Variants in TESC observed in about 807,000 individuals in gnomAD.
The protein encoded by TESC is calcineurin B homologous protein 3.
In TESC, 19 loss-of-function variants were observed where a neutral mutation model predicts 31.0. That is an observed-to-expected ratio of 0.61 (90% CI 0.43 to 0.90). The LOEUF is 0.90. Among genes scored for constraint, TESC ranks in the 40% least tolerant of loss-of-function variants. TESC has a pLI of 0.00. For missense variants in TESC, 248 were observed against 303.8 expected, an observed-to-expected ratio of 0.82 and a Z score of 1.36; for synonymous variants, 109 against 114.8, an observed-to-expected ratio of 0.95 and a Z score of 0.32.
At chr12:117,087,478 C>T (rs76390187) in intron 1 of TESC, among the ~76,000 whole-genome samples, 3,372 of 152,206 alleles carry the variant, frequency 0.022, 134 homozygotes, top group African/African-American at 0.074. Context: ...ATGAATCCTC[C>T]AATTCTCAGG....
chr12:117,079,622 G>GAC, intron 1 of TESC, among the ~76,000 whole-genome samples: 1 of 151,954 alleles, frequency 6.6e-6, no homozygotes, highest in South Asian at 2.1e-4. Flanking sequence ...CACTGGAGAG[G>GAC]ACACACACTG....
At chr12:117,041,010 G>A (rs1954475409) in intron 7 of TESC, among the ~76,000 whole-genome samples, 2 of 151,616 alleles carry the variant, frequency 1.3e-5, no homozygotes, top group South Asian at 4.2e-4. Context: ...TGATGCCCAG[G>A]GCCGAACTGC....
At position 117,073,961 on chromosome 12, in the gene TESC, C is replaced by T. The variant is rs557416217; in HGVS notation, c.128+1310G>A. On this transcript the variant is annotated intron_variant, in intron 2 of 7. Transcript: ENST00000335209. Reference sequence around the variant, plus strand: ...TTAACAGGTCTGGTGCAGCGGTACACACCTGTAGTGCCAGCACTTTGGGAG... The same window carrying T: ...TTAACAGGTCTGGTGCAGCGGTACATACCTGTAGTGCCAGCACTTTGGGAG... Among the ~76,000 whole-genome samples the T allele has an allele frequency of 5.1e-4, 78 of 152,134 alleles. 1 individual carries two copies. The Middle Eastern group carries it at 0.01, about 20-fold the overall frequency.
At chr12:117,074,870 C>A (rs985562741) in intron 2 of TESC, among the ~76,000 whole-genome samples, 1 of 152,184 alleles carries the variant, frequency 6.6e-6, no homozygotes, top group Non-Finnish European at 1.5e-5. Context: ...ATTAAAACAA[C>A]TACAGTTGGC....
At chr12:117,042,016 G>A in intron 6 of TESC, 22 bp from the exon 7 acceptor site, 1 of 1,587,314 alleles carries the variant, frequency 6.3e-7, no homozygotes, top group Non-Finnish European at 8.6e-7. Context: ...AGCACAGGGT[G>A]GACAGTGAGT....
At chr12:117,071,964 A>G (rs932951916) in intron 2 of TESC, among the ~76,000 whole-genome samples, 2 of 152,236 alleles carry the variant, frequency 1.3e-5, no homozygotes, top group Non-Finnish European at 2.9e-5. Context: ...CAAAACCTGC[A>G]TGGCAGCAAG....
At chr12:117,088,121 T>C (rs888730165) in intron 1 of TESC, among the ~76,000 whole-genome samples, 9 of 152,158 alleles carry the variant, frequency 5.9e-5, no homozygotes, top group Admixed American at 4.6e-4. Context: ...TGCATAGCCA[T>C]TGGCTAGGCT....
In TESC at chr12:117,041,989, A is replaced by T; in HGVS notation, c.525T>A (p.Pro175=). ...AGGTGATCCCCTCGTACACCTGATC[A>T]GGCTCCTGGGGACGGAAGCACAGGG... ...AASVCMGQME[P]DQVYEGITFE... Residue 175 remains proline, a synonymous_variant, in exon 7 of 8, where the codon CCT becomes CCA. Transcript: ENST00000335209. 1 of 1,595,164 alleles carries T rather than the reference A, an allele frequency of 6.3e-7. No homozygotes were observed. The highest frequency in any genetic ancestry group is 8.5e-7 in the Non-Finnish European group (1 of 1,170,466).
chr12:117,048,239 A>T (rs766813556), intron 4 of TESC, among the ~76,000 whole-genome samples: 58 of 152,364 alleles, frequency 3.8e-4, no homozygotes, highest in Middle Eastern at 3.4e-3. Flanking sequence ...TTTGGACCTG[A>T]GTCCGTCCTG....
At chr12:117,052,615 C>G (rs1210254615) in intron 3 of TESC, among the ~76,000 whole-genome samples, 2 of 152,144 alleles carry the variant, frequency 1.3e-5, no homozygotes, top group African/African-American at 4.8e-5. Flanking sequence ...GAGGCTCTCA[C>G]CACCCCATAC....
At position 117,039,270 on chromosome 12, in the gene TESC, G is replaced by GC. The variant is rs1439593335; in HGVS notation, c.568-61dup. 9.2e-6 allele frequency: 14 copies of GC among 1,526,808 alleles called. No individual in the cohort carries two copies. In the East Asian group the frequency reaches 1.9e-4, roughly 21 times the overall value. 94.6% of individuals were successfully genotyped at this position (1,526,808 alleles called of 1,614,324 possible). A position where few individuals can be genotyped will look rare whatever the true frequency, so the allele number is the denominator to read the frequency against. On this transcript the variant is annotated intron_variant, in intron 7 of 7. Transcript: ENST00000335209. ...CCGCCGCCACCTCACACCTGACCAG[G>GC]CCCCCCGGTCCTCGGCCCTTCCCAC...
At chr12:117,048,300 C>T (rs951224193) in intron 4 of TESC, among the ~76,000 whole-genome samples, 1 of 152,230 alleles carries the variant, frequency 6.6e-6, no homozygotes, top group Non-Finnish European at 1.5e-5. Flanking sequence ...CAGGGATCCA[C>T]CCCCGCCACC....
chr12:117,085,590 G>A lies in TESC; in HGVS notation c.59-10250C>T, dbSNP rs968708947. 1.2e-4 allele frequency among the ~76,000 whole-genome samples: 18 copies of A among 152,198 alleles called. 2 individuals carry two copies. The highest frequency in any genetic ancestry group is 8.5e-4 in the Admixed American group (13 of 15,282). On this transcript the variant is annotated intron_variant, in intron 1 of 7. Transcript: ENST00000335209. ...GGACACCAAGGGGCATCACTGGGGGGCTCAGTGACTTCCAAGACCCCAGCT... is the reference window on the plus strand; with the variant it reads ...GGACACCAAGGGGCATCACTGGGGGACTCAGTGACTTCCAAGACCCCAGCT...
In TESC at chr12:117,096,324, C is replaced by T. The variant is rs1363777827; in HGVS notation, c.58+2901G>A. Among the ~76,000 whole-genome samples, 3 of 152,180 alleles carry T rather than the reference C, an allele frequency of 2.0e-5. No homozygotes were observed. The East Asian group carries it at 5.8e-4, about 29-fold the overall frequency. On this transcript the variant is annotated intron_variant, in intron 1 of 7. Transcript: ENST00000335209. ...TCTCCCTTTTTCTCAGGGAAGATTC[C>T]CAAGGGAATGGCCTTGGAGGAAGGG...
At chr12:117,054,141 T>TA (rs1954688068) in intron 3 of TESC, 2 of 152,184 alleles carry the variant, frequency 1.3e-5, no homozygotes, top group Admixed American at 1.3e-4. Flanking sequence ...TCCTCATCTA[T>TA]AACCTCCCAG....
chr12:117,089,862 A>T (rs1400822733), intron 1 of TESC, among the ~76,000 whole-genome samples: 1 of 152,212 alleles, frequency 6.6e-6, no homozygotes, highest in Non-Finnish European at 1.5e-5. Context: ...CTTTCTTTAG[A>T]ATCAAACAAC....
intron 1 of TESC, among the ~76,000 whole-genome samples, chr12:117,092,244 T>C (rs1027777718): frequency 6.6e-6 from 1 of 152,114 alleles, no homozygotes; most frequent in African/African-American, 2.4e-5. Flanking sequence ...GGATGAGACA[T>C]CTGAGCGAAG....
chr12:117,075,178 A>T, intron 2 of TESC, 93 bp downstream of exon 2: 3 of 1,257,372 alleles, frequency 2.4e-6, no homozygotes, highest in Non-Finnish European at 3.3e-6. Flanking sequence ...GAAAACAACT[A>T]CCCCCGCTAC....
intron 2 of TESC, among the ~76,000 whole-genome samples, chr12:117,067,003 C>A (rs1035060583): frequency 6.6e-6 from 1 of 152,210 alleles, no homozygotes; most frequent in Non-Finnish European, 1.5e-5. Context: ...CACCAAACTA[C>A]CCCCTTGGTG....
Sources: allele counts gnomAD v4.1 joint callset (sites outside exome capture counted in the v4.1 genomes callset), GRCh38; gene constraint gnomAD v4.1.1; transcripts MANE v1.5; gene names NCBI Gene and HGNC (gene_info 2026-07-23, HGNC 2026-07-21).